Variants in PAX6 observed in about 807,000 individuals in gnomAD.
PAX6 encodes the protein paired box 6, also known as paired box protein Pax-6.
Under a neutral mutation model 60.7 loss-of-function variants are expected in PAX6, and 7 were observed. The ratio of observed to expected loss-of-function variants is 0.12; its 90% CI spans 0.07 to 0.22. PAX6 has a LOEUF of 0.22. PAX6 is among the 10% of genes least tolerant of loss of function. The pLI, the probability that PAX6 is intolerant of heterozygous loss-of-function variation, is 1.00. For missense variants in PAX6, 355 were observed against 555.2 expected, an observed-to-expected ratio of 0.64 and a Z score of 3.62; for synonymous variants, 208 against 201.2, an observed-to-expected ratio of 1.03 and a Z score of -0.29.
chr11:31,811,544 C>T (rs541479382), upstream of PAX6: 2 of 248,018 alleles, frequency 8.1e-6, no homozygotes, highest in Non-Finnish European at 1.5e-5. Context: ...CTCCCCGCTC[C>T]GCGCACGCCG....
chr11:31,796,487 T>TG (rs920178992), intron 8 of PAX6, among the ~76,000 whole-genome samples: 10 of 19,252 alleles, frequency 5.2e-4, no homozygotes, highest in Admixed American at 1.6e-3. Flanking sequence ...GGAGGGTGGA[T>TG]GGGGGGGCCA....
chr11:31,794,018 C>G lies in PAX6; in HGVS notation c.807+14G>C. 1 of 1,570,114 alleles carries G rather than the reference C, an allele frequency of 6.4e-7. No individual in the cohort carries two copies. The highest frequency in any genetic ancestry group is 8.8e-7 in the Non-Finnish European group (1 of 1,139,808). On this transcript the variant is annotated intron_variant, in intron 10 of 13. Transcript: ENST00000640368. The stretch of plus-strand genomic sequence containing the variant: ...ATGAATCACAAAGTGTGAAACTGCA[C>G]AGTCTCTCGGTACCTGTATTCTTGC...
Position 31,806,281 on chromosome 11 carries a change from C to A in PAX6, c.10+121G>T, listed in dbSNP as rs934574184. 5 of 1,213,416 alleles carry A rather than the reference C, an allele frequency of 4.1e-6. No individual in the cohort carries two copies. The South Asian group carries it at 5.7e-5, about 14-fold the overall frequency. 75.2% of individuals were successfully genotyped at this position (1,213,416 alleles called of 1,614,324 possible). A position where few individuals can be genotyped will look rare whatever the true frequency, so the allele number is the denominator to read the frequency against. On this transcript the variant is annotated intron_variant, in intron 4 of 13. Coordinates refer to ENST00000640368, the MANE Select transcript of PAX6 (RefSeq NM_001368894.2). Reference sequence around the variant, plus strand: ...GAGCGGGGAGCAGCCGCCGCAGGTCCCCGGGCCTCAGTCGGTCGGCGGCCG... The same window carrying A: ...GAGCGGGGAGCAGCCGCCGCAGGTCACCGGGCCTCAGTCGGTCGGCGGCCG...
intron 8 of PAX6, among the ~76,000 whole-genome samples, chr11:31,799,024 C>T (rs1952647010): frequency 6.6e-6 from 1 of 152,250 alleles, no homozygotes; most frequent in Non-Finnish European, 1.5e-5. Context: ...CAAGACTTCT[C>T]GGACTAAGTG....
chr11:31,797,507 GAAAAAAAAA>G lies in PAX6; in HGVS notation c.566-2728_566-2720del, dbSNP rs36004875. The stretch of plus-strand genomic sequence containing the variant: ...ACAGTAGAGCTCAATTTTAAATCTG[GAAAAAAAAA>G]AAAAAAAAAAAAAGATGGGAAGCGG... On this transcript the variant is annotated intron_variant, in intron 8 of 13. Transcript: ENST00000640368. 2.9e-3 allele frequency among the ~76,000 whole-genome samples: 289 copies of G among 101,394 alleles called. 1 individual carries two copies. Among genetic ancestry groups the G allele is most frequent in the Admixed American group, 3.4e-3 (30 of 8,720 alleles). The allele number at this position is 101,394 out of a possible 152,430, so 66.5% of individuals were successfully genotyped here. A position where few individuals can be genotyped will look rare whatever the true frequency, so the allele number is the denominator to read the frequency against.
chr11:31,802,445 TA>T (rs1156820973), intron 5 of PAX6: 1 of 474,934 alleles, frequency 2.1e-6, no homozygotes, highest in Non-Finnish European at 3.7e-6. Flanking sequence ...AAGATTTTTT[TA>T]AAAAAATCCG....
chr11:31,813,147 C>A (rs1957203673), upstream of PAX6: 2 of 152,030 alleles, frequency 1.3e-5, no homozygotes, highest in Admixed American at 6.5e-5. Context: ...CGGGAGGAAA[C>A]CTGGGTCAGA....
At chr11:31,797,004 A>G (rs1374572724) in intron 8 of PAX6, among the ~76,000 whole-genome samples, 1 of 152,088 alleles carries the variant, frequency 6.6e-6, no homozygotes. Flanking sequence ...GAAGAAATGA[A>G]GCGACCACCC....
chr11:31,790,360 A>G, intron 13 of PAX6: 2 of 945,472 alleles, frequency 2.1e-6, no homozygotes, highest in South Asian at 3.9e-5. Context: ...CAAAAGGTCT[A>G]GAGGAGCTAT....
At position 31,801,573 on chromosome 11, in the gene PAX6, A is replaced by G. The variant is rs1327173676; in HGVS notation, c.387T>C (p.Asp129=). ...RLLSEGVCTN[D]NIPSVSSINR... ...TCAATGAACTTACGCTTGGTATGTT[A>G]TCGTTGGTACAGACCCCCTCGGACA... The change falls in exon 7 of 14, where the codon GAT becomes GAC. Residue 129 remains aspartate (D), a synonymous_variant. Transcript: ENST00000640368. 1.9e-6 allele frequency: 3 copies of G among 1,614,160 alleles called. No homozygotes were observed. The highest frequency in any genetic ancestry group is 2.2e-5 in the South Asian group (2 of 91,080).
At chr11:31,801,121 T>G in intron 7 of PAX6, 1 of 858,782 alleles carries the variant, frequency 1.2e-6, no homozygotes, top group East Asian at 2.9e-5. Context: ...CTCACACGGT[T>G]GCTTTGCTTT....
chr11:31,801,201 A>C, intron 7 of PAX6: 1 of 1,225,140 alleles, frequency 8.2e-7, no homozygotes, highest in Non-Finnish European at 1.1e-6. Context: ...ATATTGTTTA[A>C]TATTAGGATG....
chr11:31,800,616 A>G, intron 8 of PAX6, 75 bp downstream of exon 8: 1 of 1,544,482 alleles, frequency 6.5e-7, no homozygotes, highest in South Asian at 1.1e-5. Flanking sequence ...CCTGAGAGGA[A>G]ATGGTTGGGA....
At chr11:31,800,409 G>C in intron 8 of PAX6, 1 of 550,738 alleles carries the variant, frequency 1.8e-6, no homozygotes, top group South Asian at 2.0e-5. Flanking sequence ...CACGCAGCTC[G>C]TTCTTATGCA....
intron 8 of PAX6, among the ~76,000 whole-genome samples, chr11:31,799,804 C>T (rs768143549): frequency 2.1e-4 from 32 of 152,170 alleles, no homozygotes; most frequent in South Asian, 4.1e-4. Flanking sequence ...GAGTGAGACG[C>T]CACGTCCCAT....
chr11:31,790,880 C>A lies in PAX6; in HGVS notation c.1075-20G>T. On this transcript the variant is annotated intron_variant, in intron 12 of 13. Coordinates refer to ENST00000640368, the MANE Select transcript of PAX6 (RefSeq NM_001368894.2). Reference sequence around the variant, plus strand: ...TGGGGGCTGTGAGGAGAGAGGCAAACCTGTGGTTACTGAGGAACACATCAC... The same window carrying A: ...TGGGGGCTGTGAGGAGAGAGGCAAAACTGTGGTTACTGAGGAACACATCAC... 6.2e-7 allele frequency: 1 copy of A among 1,612,642 alleles called. No homozygotes were observed. The highest frequency in any genetic ancestry group is 8.5e-7 in the Non-Finnish European group (1 of 1,179,374).
At chr11:31,807,541 T>G (rs551317633) in intron 2 of PAX6, 1 of 152,378 alleles carries the variant, frequency 6.6e-6, no homozygotes, top group East Asian at 1.9e-4. Context: ...AAGCCCAACT[T>G]TTTATCCCAA....
intron 5 of PAX6, chr11:31,802,420 C>T (rs898006843): frequency 7.1e-6 from 3 of 422,640 alleles, no homozygotes; most frequent in Non-Finnish European, 1.3e-5. Context: ...AATGTCTTTA[C>T]CAAATAAAAA....
intron 4 of PAX6, 149 bp from the exon 5 acceptor site, chr11:31,802,983 G>C: frequency 1.3e-6 from 1 of 798,122 alleles, no homozygotes; most frequent in Non-Finnish European, 2.1e-6. Flanking sequence ...GAGAGGAGGA[G>C]GAGACAACCA....
Sources: allele counts gnomAD v4.1 joint callset (sites outside exome capture counted in the v4.1 genomes callset), GRCh38; gene constraint gnomAD v4.1.1; transcripts MANE v1.5; gene names NCBI Gene and HGNC (gene_info 2026-07-23, HGNC 2026-07-21).